The following INSR variants were observed in gnomAD, a reference collection of about 807,000 sequenced individuals.
INSR encodes the protein IR.
A neutral mutation model predicts 142.6 loss-of-function variants in INSR; 67 were observed. The ratio of observed to expected loss-of-function variants is 0.47; its 90% CI spans 0.39 to 0.58. The LOEUF (loss-of-function observed/expected upper bound fraction) is 0.58, where lower values mean the gene tolerates loss of function less well. Ranked by LOEUF, INSR falls within the 20% of genes least tolerant of loss-of-function variation. The pLI is 0.00. For synonymous variants in INSR, 756 were observed against 743.1 expected, an observed-to-expected ratio of 1.02 and a Z score of -0.28; for missense variants, 1,248 against 1,833.2, an observed-to-expected ratio of 0.68 and a Z score of 5.83.
At position 7,236,842 on chromosome 19, in the gene INSR, C is replaced by T. The variant is rs189988482; in HGVS notation, c.652+30503G>A. ...GAGATCGAGACCATCCTGGCTAACA[C>T]GGTGAAACCCTGTCTCTACTAAAAA... On this transcript the variant is annotated intron_variant, in intron 2 of 21. Coordinates refer to ENST00000302850, the MANE Select transcript of INSR (RefSeq NM_000208.4). Among the ~76,000 whole-genome samples, 10 of 151,190 alleles carry T rather than the reference C, an allele frequency of 6.6e-5. No individual in the cohort carries two copies. The East Asian group carries it at 1.8e-3, about 27-fold the overall frequency.
chr19:7,156,429 C>A (rs1188541326), intron 9 of INSR, among the ~76,000 whole-genome samples: 2 of 152,096 alleles, frequency 1.3e-5, no homozygotes, highest in Non-Finnish European at 2.9e-5. Context: ...ATGGTTCTCA[C>A]CCAGGGGGTG....
intron 2 of INSR, among the ~76,000 whole-genome samples, chr19:7,250,531 G>T (rs911174741): frequency 1.0e-4 from 14 of 140,038 alleles, no homozygotes; most frequent in Non-Finnish European, 2.0e-4. Flanking sequence ...AAGGGAGAGG[G>T]AGGGAGAGAA....
chr19:7,124,882 T>C (rs1972608168), intron 17 of INSR, among the ~76,000 whole-genome samples: 1 of 151,336 alleles, frequency 6.6e-6, no homozygotes, highest in Non-Finnish European at 1.5e-5. Flanking sequence ...GGTGGACCTC[T>C]ATGTGGTCCT....
At chr19:7,151,158 CTTTCTCTTTCTTTCTTTCTTTCTTTCTT>C (rs1973335516) in intron 10 of INSR, among the ~76,000 whole-genome samples, 1 of 7,114 alleles carries the variant, frequency 1.4e-4, no homozygotes, top group Non-Finnish European at 9.1e-4. Flanking sequence ...TCCTTTCTTT[CTTTCTCTTTCTTTCTTTCTTTCTTTCTT>C]TCTTTCTTTC....
At chr19:7,131,928 G>A (rs1413406688) in intron 14 of INSR, among the ~76,000 whole-genome samples, 5 of 151,528 alleles carry the variant, frequency 3.3e-5, no homozygotes, top group African/African-American at 9.7e-5. Flanking sequence ...AACCCGGGAG[G>A]CGGAGGCTAC....
chr19:7,182,596 T>C (rs1468541805), intron 3 of INSR, among the ~76,000 whole-genome samples: 2 of 152,128 alleles, frequency 1.3e-5, no homozygotes, highest in Admixed American at 6.6e-5. Context: ...ACGGTGACAA[T>C]GCACCCCCCT....
chr19:7,113,801 A>G lies in INSR; in HGVS notation c.*3255T>C, dbSNP rs1972258475. The G allele has an allele frequency of 6.6e-6, 1 of 152,182 alleles. No individual in the cohort carries two copies. The allele number at this position is 152,182 out of a possible 1,614,324, so 9.4% of individuals were successfully genotyped here. On this transcript the variant is annotated 3_prime_UTR_variant, in exon 22 of 22. Transcript: ENST00000302850. ...TGTTTGCTCTTTTCACTGTGGCAGT[A>G]GAGTCAAATAAATGAAACTGGTGAA... is the stretch of plus-strand genomic sequence containing the variant.
intron 10 of INSR, among the ~76,000 whole-genome samples, chr19:7,151,466 T>A (rs1238978810): frequency 6.7e-6 from 1 of 148,994 alleles, no homozygotes; most frequent in Non-Finnish European, 1.5e-5. Context: ...TTTCCTTTTT[T>A]AGTAGAGATA....
chr19:7,250,881 G>A (rs1976706561), intron 2 of INSR, among the ~76,000 whole-genome samples: 1 of 151,948 alleles, frequency 6.6e-6, no homozygotes, highest in Non-Finnish European at 1.5e-5. Flanking sequence ...GGGGCAAGCA[G>A]AACTGTCCCA....
intron 2 of INSR, among the ~76,000 whole-genome samples, chr19:7,242,752 A>C (rs1307974150): frequency 6.6e-6 from 1 of 151,550 alleles, no homozygotes; most frequent in Non-Finnish European, 1.5e-5. Flanking sequence ...AAAAAAAAAA[A>C]AACAGCTACA....
At chr19:7,142,201 G>A (rs948851287) in intron 12 of INSR, among the ~76,000 whole-genome samples, 1 of 149,602 alleles carries the variant, frequency 6.7e-6, no homozygotes, top group Admixed American at 6.7e-5. Flanking sequence ...TCAGGCATTG[G>A]AGACCAGCCT....
chr19:7,213,171 C>A (rs1047214802), intron 2 of INSR, among the ~76,000 whole-genome samples: 1 of 151,932 alleles, frequency 6.6e-6, no homozygotes, highest in Admixed American at 6.6e-5. Context: ...CGGTGAAACC[C>A]TGTCTCTACT....
At chr19:7,282,131 G>A (rs10408733) in intron 1 of INSR, among the ~76,000 whole-genome samples, 7,932 of 152,122 alleles carry the variant, frequency 0.052, 700 homozygotes, top group African/African-American at 0.18. Context: ...TTGGGAGGCC[G>A]AGGTGGGTGG....
Position 7,151,483 on chromosome 19 carries a change from C to CA in INSR, c.2232-952dup, listed in dbSNP as rs1304318628. Among the ~76,000 whole-genome samples the CA allele has an allele frequency of 8.0e-5, 12 of 149,824 alleles. No homozygotes were observed. In the East Asian group the frequency reaches 2.4e-3, roughly 29 times the overall value. On this transcript the variant is annotated intron_variant, in intron 10 of 21. Coordinates refer to ENST00000302850, the MANE Select transcript of INSR (RefSeq NM_000208.4). ...TCCTTTTTTAGTAGAGATAGGGTCT[C>CA]ACTCTGTTGCTCAGGCTGGTCTCCA...
intron 9 of INSR, among the ~76,000 whole-genome samples, chr19:7,158,416 G>A (rs1599924624): frequency 6.6e-6 from 1 of 152,156 alleles, no homozygotes; most frequent in East Asian, 1.9e-4. Flanking sequence ...CAGGAGAATG[G>A]CGTGAACCCG....
At chr19:7,208,988 C>A (rs1212536789) in intron 2 of INSR, among the ~76,000 whole-genome samples, 1 of 150,816 alleles carries the variant, frequency 6.6e-6, no homozygotes, top group Non-Finnish European at 1.5e-5. Flanking sequence ...GGCAACAGAG[C>A]AAGACTCCAT....
At chr19:7,262,833 CA>C (rs984427375) in intron 2 of INSR, among the ~76,000 whole-genome samples, 4 of 152,088 alleles carry the variant, frequency 2.6e-5, no homozygotes, top group Non-Finnish European at 4.4e-5. Flanking sequence ...TGGTAGGTGC[CA>C]GGGGGCTGGG....
intron 8 of INSR, among the ~76,000 whole-genome samples, chr19:7,163,648 G>A (rs1973817016): frequency 6.6e-6 from 1 of 151,882 alleles, no homozygotes; most frequent in Non-Finnish European, 1.5e-5. Flanking sequence ...AGGTGGCCGA[G>A]GGAGCTGGGG....
intron 2 of INSR, among the ~76,000 whole-genome samples, chr19:7,211,657 A>T (rs1183974821): frequency 6.6e-6 from 1 of 152,238 alleles, no homozygotes; most frequent in Non-Finnish European, 1.5e-5. Flanking sequence ...ACACAGGGAC[A>T]GAGTAAACTG....
Sources: allele counts gnomAD v4.1 joint callset (sites outside exome capture counted in the v4.1 genomes callset), GRCh38; gene constraint gnomAD v4.1.1; transcripts MANE v1.5; gene names NCBI Gene and HGNC (gene_info 2026-07-23, HGNC 2026-07-21).